Variants in SLC30A8 observed in about 807,000 individuals in gnomAD.
The protein encoded by SLC30A8 is solute carrier family 30 member 8.
SLC30A8 carries 27 observed loss-of-function variants against 36.9 expected under a neutral mutation model. The ratio of observed to expected loss-of-function variants is 0.73; its 90% confidence interval spans 0.54 to 1.01. SLC30A8 has a LOEUF of 1.01. SLC30A8 is among the 50% of genes least tolerant of loss of function. SLC30A8 has a pLI of 0.00. For synonymous variants in SLC30A8, 164 were observed against 172.4 expected (o/e 0.95, Z 0.38); for missense variants, 439 against 452.0 (o/e 0.97, Z 0.26).
intron 1 of SLC30A8, among the ~76,000 whole-genome samples, chr8:117,009,348 C>A (rs1816272331): frequency 6.6e-6 from 1 of 152,140 alleles, no homozygotes; most frequent in Admixed American, 6.5e-5. Context: ...ATTGAAAAAA[C>A]TGAGAGGGAA....
At chr8:117,014,649 C>G (rs1431829556) in intron 1 of SLC30A8, among the ~76,000 whole-genome samples, 1 of 152,144 alleles carries the variant, frequency 6.6e-6, no homozygotes, top group Non-Finnish European at 1.5e-5. Flanking sequence ...TTACTGATGT[C>G]TTATCTCAGT....
chr8:117,097,887 A>T (rs1445983243), intron 2 of SLC30A8, among the ~76,000 whole-genome samples: 86 of 78,880 alleles, frequency 1.1e-3, no homozygotes, highest in Middle Eastern at 6.9e-3. Context: ...ATTTTAAATA[A>T]ATATATATTA....
chr8:116,999,589 A>C (rs745322512), intron 1 of SLC30A8, among the ~76,000 whole-genome samples: 5 of 152,216 alleles, frequency 3.3e-5, no homozygotes, highest in African/African-American at 4.8e-5. Context: ...AAACCAATGG[A>C]ATCAGCTATT....
chr8:117,156,235 G>A (rs1313259521), intron 3 of SLC30A8, among the ~76,000 whole-genome samples: 2 of 152,006 alleles, frequency 1.3e-5, no homozygotes, highest in Non-Finnish European at 1.5e-5. Flanking sequence ...TAGAGATGGG[G>A]TTTCACCGTG....
intron 1 of SLC30A8, among the ~76,000 whole-genome samples, chr8:116,972,342 A>G (rs1405599838): frequency 1.3e-5 from 2 of 152,226 alleles, no homozygotes; most frequent in African/African-American, 4.8e-5. Context: ...CTCCATCAAA[A>G]CAAAGGCAGC....
chr8:116,952,001 A>C (rs893033458), intron 1 of SLC30A8, among the ~76,000 whole-genome samples: 2 of 152,106 alleles, frequency 1.3e-5, no homozygotes, highest in Non-Finnish European at 2.9e-5. Context: ...AATAGGAAGC[A>C]AACTTACCTT....
intron 2 of SLC30A8, among the ~76,000 whole-genome samples, chr8:117,125,462 G>T (rs1344815652): frequency 1.3e-5 from 2 of 151,904 alleles, no homozygotes; most frequent in Non-Finnish European, 2.9e-5. Context: ...GAGAAAAATT[G>T]ACCAAATATT....
At chr8:117,084,515 A>C (rs182646649) in intron 2 of SLC30A8, among the ~76,000 whole-genome samples, 5 of 152,180 alleles carry the variant, frequency 3.3e-5, no homozygotes, top group African/African-American at 1.2e-4. Flanking sequence ...ATTACCTCCT[A>C]ATCTTCCTTG....
intron 2 of SLC30A8, among the ~76,000 whole-genome samples, chr8:117,148,318 T>C (rs1415442962): frequency 6.6e-6 from 1 of 152,112 alleles, no homozygotes; most frequent in Non-Finnish European, 1.5e-5. Context: ...GTTTTCAGCA[T>C]CATTTAGGAA....
At chr8:117,157,226 G>A (rs769055774) in intron 3 of SLC30A8, among the ~76,000 whole-genome samples, 2 of 152,176 alleles carry the variant, frequency 1.3e-5, no homozygotes, top group Non-Finnish European at 2.9e-5. Flanking sequence ...AGTGCTCTCT[G>A]AAGCTTTCCC....
chr8:117,158,303 C>T (rs1454833044), intron 4 of SLC30A8, among the ~76,000 whole-genome samples: 1 of 152,188 alleles, frequency 6.6e-6, no homozygotes, highest in Non-Finnish European at 1.5e-5. Flanking sequence ...TGTTCCATTT[C>T]TATGGGGTGA....
intron 1 of SLC30A8, among the ~76,000 whole-genome samples, chr8:116,994,057 A>T (rs1196578275): frequency 6.6e-6 from 1 of 151,936 alleles, no homozygotes; most frequent in African/African-American, 2.4e-5. Context: ...ATAAAAAAAA[A>T]AGAAAGAAAA....
At chr8:117,004,181 C>A (rs544303678) in intron 1 of SLC30A8, among the ~76,000 whole-genome samples, 28 of 152,176 alleles carry the variant, frequency 1.8e-4, no homozygotes, top group Non-Finnish European at 3.1e-4. Context: ...CCACAGTCAC[C>A]TTTTAATCTG....
Position 117,176,237 on chromosome 8 carries a change from C to A in SLC30A8, c.*3556C>A, listed in dbSNP as rs571912256. The A allele has an allele frequency of 6.6e-6, 1 of 152,562 alleles. No homozygotes were observed. The highest frequency in any genetic ancestry group is 1.5e-5 in the Non-Finnish European group (1 of 67,966). 9.5% of individuals were successfully genotyped at this position (152,562 alleles called of 1,614,324 possible). ...TGGTGTCAAAAAGAAAAACACCTCC[C>A]AGGCATATACATTTTATAGATTCCT... On this transcript the variant is annotated 3_prime_UTR_variant, in exon 8 of 8. Coordinates refer to ENST00000456015, the MANE Select transcript of SLC30A8 (RefSeq NM_173851.3).
intron 2 of SLC30A8, among the ~76,000 whole-genome samples, chr8:117,078,598 C>T (rs1818565197): frequency 6.6e-6 from 1 of 152,144 alleles, no homozygotes; most frequent in Non-Finnish European, 1.5e-5. Flanking sequence ...AAGTTCATCT[C>T]ATAGGACTGT....
intron 2 of SLC30A8, among the ~76,000 whole-genome samples, chr8:117,124,397 G>C (rs778651153): frequency 6.6e-6 from 1 of 151,928 alleles, no homozygotes; most frequent in Non-Finnish European, 1.5e-5. Context: ...ATGCAGGTCA[G>C]TAGAGAGGCT....
At chr8:117,058,818 C>A (rs1817946774) in intron 2 of SLC30A8, among the ~76,000 whole-genome samples, 1 of 152,046 alleles carries the variant, frequency 6.6e-6, no homozygotes, top group African/African-American at 2.4e-5. Flanking sequence ...ACACACACAC[C>A]CACTCACCCA....
At chr8:117,152,524 A>C (rs1033950564) in intron 2 of SLC30A8, among the ~76,000 whole-genome samples, 1 of 152,190 alleles carries the variant, frequency 6.6e-6, no homozygotes, top group Non-Finnish European at 1.5e-5. Context: ...AAATAAAAAC[A>C]CATCTGTGGG....
At chr8:117,008,026 T>C (rs1439980848) in intron 1 of SLC30A8, among the ~76,000 whole-genome samples, 1 of 152,118 alleles carries the variant, frequency 6.6e-6, no homozygotes, top group Non-Finnish European at 1.5e-5. Context: ...GTAATGGGTA[T>C]TAGGGGAAAT....
Sources: allele counts gnomAD v4.1 joint callset (sites outside exome capture counted in the v4.1 genomes callset), GRCh38; gene constraint gnomAD v4.1.1; transcripts MANE v1.5; gene names NCBI Gene and HGNC (gene_info 2026-07-23, HGNC 2026-07-21).